Variants in RBFOX1 observed in about 807,000 individuals in gnomAD.
RBFOX1 encodes the protein RNA binding fox-1 homolog 1, also known as RNA binding protein fox-1 homolog 1.
Under a neutral mutation model 57.7 loss-of-function variants are expected in RBFOX1, and 8 were observed. The observed-to-expected ratio is 0.14, with a 90% confidence interval of 0.08 to 0.25. The LOEUF is 0.25. RBFOX1 is among the 10% of genes least tolerant of loss of function. The pLI is 1.00. For missense variants in RBFOX1, 611 were observed against 548.5 expected (o/e 1.11, Z -1.14); for synonymous variants, 326 against 222.4 (o/e 1.47, Z -4.15).
intron 4 of RBFOX1, among the ~76,000 whole-genome samples, chr16:7,434,170 G>A (rs1029644421): frequency 6.6e-6 from 1 of 152,038 alleles, no homozygotes; most frequent in Non-Finnish European, 1.5e-5. Context: ...GACATGTGGT[G>A]GTATAAGAGA....
chr16:6,766,946 G>C (rs1024136040), intron 3 of RBFOX1, among the ~76,000 whole-genome samples: 3 of 152,082 alleles, frequency 2.0e-5, no homozygotes, highest in Non-Finnish European at 4.4e-5. Context: ...CGTGGTACTA[G>C]CCCTTGGTAA....
chr16:5,834,722 GATACATAGATACATAC>G (rs1405250316), intron 3 of RBFOX1, among the ~76,000 whole-genome samples: 14 of 133,722 alleles, frequency 1.0e-4, no homozygotes, highest in Admixed American at 6.1e-4. Context: ...TAGATACATA[GATACATAGATACATAC>G]ATACATACAT....
Position 7,126,378 on chromosome 16 carries a change from G to T in RBFOX1, c.27+74280G>T, listed in dbSNP as rs535854054. The T allele has an allele frequency of 4.1e-5, 10 of 244,196 alleles. No individual in the cohort carries two copies. The South Asian group carries it at 5.2e-4, about 13-fold the overall frequency. The allele number at this position is 244,196 out of a possible 1,614,324, so 15.1% of individuals were successfully genotyped here. A position where few individuals can be genotyped will look rare whatever the true frequency, so the allele number is the denominator to read the frequency against. The stretch of plus-strand genomic sequence containing the variant: ...TTTTTGGTCCCTGTGGGGTTCACAA[G>T]ATCAATTCCTGACTACTTTACTGTG... On this transcript the variant is annotated intron_variant, in intron 4 of 15. Coordinates refer to ENST00000550418, the MANE Select transcript of RBFOX1 (RefSeq NM_018723.4).
intron 2 of RBFOX1, among the ~76,000 whole-genome samples, chr16:6,407,566 T>TGTGTGTCAGA (rs762554828): frequency 4.6e-5 from 1 of 21,938 alleles, no homozygotes; most frequent in African/African-American, 4.1e-4. Context: ...TGTGTGTGTG[T>TGTGTGTCAGA]GACAGAGAGA....
At chr16:7,009,942 C>T (rs924146369) in intron 3 of RBFOX1, among the ~76,000 whole-genome samples, 1 of 151,654 alleles carries the variant, frequency 6.6e-6, no homozygotes, top group Admixed American at 6.6e-5. Context: ...CCATTGGCTA[C>T]AAGGAAAAAG....
intron 4 of RBFOX1, among the ~76,000 whole-genome samples, chr16:5,950,327 G>T (rs1450478853): frequency 6.6e-6 from 1 of 152,184 alleles, no homozygotes; most frequent in Non-Finnish European, 1.5e-5. Context: ...CTGATATTGA[G>T]ACGATGTGAA....
chr16:6,229,507 C>T (rs2097442655), intron 1 of RBFOX1, among the ~76,000 whole-genome samples: 2 of 152,108 alleles, frequency 1.3e-5, no homozygotes, highest in Admixed American at 1.3e-4. Context: ...GTGACGCAAA[C>T]ACAATAAAGG....
intron 2 of RBFOX1, among the ~76,000 whole-genome samples, chr16:6,465,912 C>T (rs376758237): frequency 8.0e-6 from 1 of 124,458 alleles, no homozygotes; most frequent in Non-Finnish European, 1.8e-5. Flanking sequence ...GTTCTTTAAA[C>T]TTTTAAGCTA....
At chr16:5,767,320 C>G (rs1050019621) in intron 3 of RBFOX1, among the ~76,000 whole-genome samples, 2 of 152,226 alleles carry the variant, frequency 1.3e-5, no homozygotes, top group Admixed American at 6.5e-5. Context: ...AAACGTTTCT[C>G]TTGGTCCATC....
intron 1 of RBFOX1, among the ~76,000 whole-genome samples, chr16:5,399,587 G>A (rs1386157953): frequency 6.6e-6 from 1 of 152,004 alleles, no homozygotes; most frequent in African/African-American, 2.4e-5. Context: ...CCAAAAATTA[G>A]CTGGATGTGG....
chr16:5,506,184 C>G lies in RBFOX1; in HGVS notation c.258+38930C>G, dbSNP rs542941016. Among the ~76,000 whole-genome samples the G allele has an allele frequency of 7.2e-5, 11 of 152,290 alleles. No individual in the cohort carries two copies. The East Asian group carries it at 2.1e-3, about 30-fold the overall frequency. ...GCCTGTCTTCACAGTGTTCCGGGAA[C>G]TTTCTGAAGGCAGGGTTCCCAGTGT... On this transcript the variant is annotated intron_variant, in intron 2 of 2. Coordinates refer to the RBFOX1 transcript ENST00000585867.
chr16:6,270,386 A>G (rs556473785), intron 1 of RBFOX1, among the ~76,000 whole-genome samples: 1 of 152,106 alleles, frequency 6.6e-6, no homozygotes, highest in South Asian at 2.1e-4. Context: ...AGGATGGAAA[A>G]AAGATAGAGT....
At chr16:6,332,276 A>G (rs1005278311) in intron 2 of RBFOX1, among the ~76,000 whole-genome samples, 1 of 152,234 alleles carries the variant, frequency 6.6e-6, no homozygotes, top group African/African-American at 2.4e-5. Flanking sequence ...ATCAACCAGC[A>G]TTTACTGAGT....
chr16:5,918,866 G>A (rs1220306437), intron 4 of RBFOX1, among the ~76,000 whole-genome samples: 1 of 152,192 alleles, frequency 6.6e-6, no homozygotes, highest in Non-Finnish European at 1.5e-5. Flanking sequence ...TTCCTGGGAA[G>A]TCAAGGAGGC....
At chr16:6,521,598 C>T (rs1026909833) in intron 2 of RBFOX1, among the ~76,000 whole-genome samples, 1 of 150,232 alleles carries the variant, frequency 6.7e-6, no homozygotes, top group African/African-American at 2.4e-5. Context: ...TTCCTTAAAA[C>T]ACCAGCAATC....
At chr16:6,639,442 G>T (rs996396748) in intron 2 of RBFOX1, among the ~76,000 whole-genome samples, 6 of 151,954 alleles carry the variant, frequency 3.9e-5, no homozygotes, top group African/African-American at 1.2e-4. Context: ...GGCCAGTAGG[G>T]GTCTGTTTAA....
intron 1 of RBFOX1, among the ~76,000 whole-genome samples, chr16:5,242,120 AAGAGAG>A (rs146029127): frequency 6.6e-6 from 1 of 150,462 alleles, no homozygotes; most frequent in East Asian, 1.9e-4. Context: ...TTTCAAGGAA[AAGAGAG>A]AGAGAGAGAG....
At chr16:6,281,008 T>C (rs1367091219) in intron 1 of RBFOX1, among the ~76,000 whole-genome samples, 2 of 151,942 alleles carry the variant, frequency 1.3e-5, no homozygotes, top group Admixed American at 1.3e-4. Context: ...TATATGTATA[T>C]ATATATGTAT....
chr16:7,104,358 C>G (rs754904782), intron 4 of RBFOX1, among the ~76,000 whole-genome samples: 5 of 152,150 alleles, frequency 3.3e-5, no homozygotes, highest in Non-Finnish European at 7.4e-5. Context: ...GCTTGAACAT[C>G]TACTTAATCA....
Sources: gnomAD v4.1 joint callset for allele counts (sites outside exome capture counted in the v4.1 genomes callset) on GRCh38, gnomAD v4.1.1 for gene constraint, MANE v1.5 for transcripts, NCBI Gene and HGNC (gene_info 2026-07-23, HGNC 2026-07-21) for gene names.